Variants in SRGAP2C observed in about 807,000 individuals in gnomAD.
SRGAP2C encodes the protein SLIT-ROBO Rho GTPase activating protein 2C.
In SRGAP2C, 15 loss-of-function variants were observed where a neutral mutation model predicts 25.1. That is an observed-to-expected ratio of 0.60 (90% CI 0.40 to 0.92). SRGAP2C has a LOEUF of 0.92. SRGAP2C is among the 40% of genes least tolerant of loss of function. The pLI, the probability that SRGAP2C is intolerant of heterozygous loss-of-function variation, is 0.00. For missense variants in SRGAP2C, 144 were observed against 264.4 expected (o/e 0.54, Z 3.16); for synonymous variants, 44 against 96.6 (o/e 0.46, Z 3.19).
intron 2 of SRGAP2C, among the ~76,000 whole-genome samples, chr1:121,222,742 A>G (rs1242519964): frequency 2.6e-5 from 4 of 152,220 alleles, no homozygotes; most frequent in African/African-American, 7.2e-5. Context: ...AGGACCACCT[A>G]CCATCAGACG....
intron 5 of SRGAP2C, among the ~76,000 whole-genome samples, chr1:121,371,935 TC>T (rs1659502427): frequency 6.6e-6 from 1 of 151,536 alleles, no homozygotes; most frequent in Non-Finnish European, 1.5e-5. Flanking sequence ...TATCTACACT[TC>T]TTCAGCTGAG....
At chr1:121,282,230 TG>T (rs1657261667) in intron 2 of SRGAP2C, among the ~76,000 whole-genome samples, 1 of 61,580 alleles carries the variant, frequency 1.6e-5, no homozygotes, top group South Asian at 6.9e-4. Flanking sequence ...TGGATGTGCT[TG>T]GGGGTTTCTT....
intron 2 of SRGAP2C, among the ~76,000 whole-genome samples, chr1:121,194,198 T>C (rs1281545464): frequency 6.6e-6 from 1 of 151,236 alleles, no homozygotes; most frequent in Non-Finnish European, 1.5e-5. Context: ...ATCAAGATAG[T>C]GAATGTAATC....
intron 7 of SRGAP2C, among the ~76,000 whole-genome samples, chr1:121,377,061 T>G (rs1255844812): frequency 6.6e-6 from 1 of 150,762 alleles, no homozygotes; most frequent in African/African-American, 2.4e-5. Flanking sequence ...ACCAAGTGTT[T>G]TAAAATCAGT....
chr1:121,191,749 C>T (rs1161345534), intron 2 of SRGAP2C, among the ~76,000 whole-genome samples: 2 of 151,352 alleles, frequency 1.3e-5, no homozygotes, highest in Admixed American at 6.6e-5. Flanking sequence ...TTCCTTTACC[C>T]TCTCTATACC....
chr1:121,211,515 A>G (rs1474572529), intron 2 of SRGAP2C, among the ~76,000 whole-genome samples: 8 of 151,076 alleles, frequency 5.3e-5, no homozygotes, highest in South Asian at 2.1e-4. Flanking sequence ...TGTAATTTCT[A>G]TATATTTTAA....
At chr1:121,271,497 C>A (rs1656959111) in intron 2 of SRGAP2C, among the ~76,000 whole-genome samples, 1 of 151,916 alleles carries the variant, frequency 6.6e-6, no homozygotes, top group Non-Finnish European at 1.5e-5. Flanking sequence ...AACTTAGGCC[C>A]TTTCTGATTT....
intron 4 of SRGAP2C, among the ~76,000 whole-genome samples, chr1:121,343,227 CA>C: frequency 6.6e-6 from 1 of 151,882 alleles, no homozygotes; most frequent in South Asian, 2.1e-4. Context: ...TGATGAAACA[CA>C]AGATGAGGTT....
chr1:121,309,456 G>A (rs1246894936), intron 3 of SRGAP2C, among the ~76,000 whole-genome samples: 11,028 of 130,226 alleles, frequency 0.085, 737 homozygotes, highest in East Asian at 0.42. Context: ...AAGTTTTAGG[G>A]TACATGTGCA....
At position 121,339,252 on chromosome 1, in the gene SRGAP2C, C is replaced by CTT. The variant is rs1185472819; in HGVS notation, c.423+14631_423+14632dup. On this transcript the variant is annotated intron_variant, in intron 4 of 9. Coordinates refer to ENST00000367123, the MANE Select transcript of SRGAP2C (RefSeq NM_001329984.2). ...CCTTATGGTTCTTTGGCTATGTTGT[C>CTT]TTTTTTTTTTTTTTTTTTTTGGAGA... Among the ~76,000 whole-genome samples the CTT allele has an allele frequency of 1.3e-3, 119 of 89,574 alleles. 1 individual carries two copies. The highest frequency in any genetic ancestry group is 1.8e-3 in the Non-Finnish European group (88 of 47,728). 58.8% of individuals were successfully genotyped at this position (89,574 alleles called of 152,430 possible).
At chr1:121,339,397 G>A (rs1388464500) in intron 4 of SRGAP2C, among the ~76,000 whole-genome samples, 60 of 151,366 alleles carry the variant, frequency 4.0e-4, no homozygotes, top group Admixed American at 1.2e-3. Context: ...GATTACAGGC[G>A]TGGGCTACCA....
chr1:121,375,027 A>T, intron 7 of SRGAP2C, 73 bp downstream of exon 7: 1 of 710,728 alleles, frequency 1.4e-6, no homozygotes, highest in Non-Finnish European at 2.6e-6. Context: ...CATTCCCGAT[A>T]CTATTGTTCA....
At chr1:121,185,174 A>C (rs1444465028) in intron 1 of SRGAP2C, 50 bp downstream of exon 1, 1 of 451,958 alleles carries the variant, frequency 2.2e-6, no homozygotes, top group Non-Finnish European at 3.9e-6. Flanking sequence ...GCCGGGCTGG[A>C]GCCCTGACTG....
intron 3 of SRGAP2C, among the ~76,000 whole-genome samples, chr1:121,287,836 G>A (rs1303646612): frequency 2.6e-5 from 4 of 152,120 alleles, no homozygotes; most frequent in African/African-American, 9.7e-5. Context: ...GACCTTCACG[G>A]TGAGTGTTAC....
Position 121,221,759 on chromosome 1 carries a change from G to A in SRGAP2C, c.67+34246G>A, listed in dbSNP as rs587770148. Among the ~76,000 whole-genome samples, 256 of 136,428 alleles carry A rather than the reference G, an allele frequency of 1.9e-3. 1 individual carries two copies. The highest frequency in any genetic ancestry group is 7.3e-3 in the African/African-American group (244 of 33,636). The allele number at this position is 136,428 out of a possible 152,430, so 89.5% of individuals were successfully genotyped here. A position where few individuals can be genotyped will look rare whatever the true frequency, so the allele number is the denominator to read the frequency against. ...ATTGACTGGTCTTGGCAGTCTTTGG[G>A]TTTTATTCTGAACTGTGTAGAGTTG... On this transcript the variant is annotated intron_variant, in intron 2 of 9. Transcript: ENST00000367123.
intron 4 of SRGAP2C, among the ~76,000 whole-genome samples, chr1:121,351,268 CAT>C (rs1178786022): frequency 6.7e-6 from 1 of 149,648 alleles, no homozygotes; most frequent in African/African-American, 2.4e-5. Context: ...GAATTGAAAA[CAT>C]ATGCTCACAC....
At chr1:121,195,741 C>CATTCAGTTATT in intron 2 of SRGAP2C, among the ~76,000 whole-genome samples, 1 of 150,280 alleles carries the variant, frequency 6.7e-6, no homozygotes, top group East Asian at 2.0e-4. Context: ...AACACATAGA[C>CATTCAGTTATT]TACTAGCTAA....
intron 3 of SRGAP2C, among the ~76,000 whole-genome samples, chr1:121,321,833 A>G (rs1482683561): frequency 6.6e-6 from 1 of 152,196 alleles, no homozygotes; most frequent in Non-Finnish European, 1.5e-5. Flanking sequence ...CCCTGGGGAT[A>G]TGTGCTCTGC....
intron 3 of SRGAP2C, among the ~76,000 whole-genome samples, chr1:121,313,948 A>G (rs1658025569): frequency 5.6e-5 from 8 of 142,126 alleles, no homozygotes; most frequent in African/African-American, 2.6e-5. Context: ...CATTCTCTGT[A>G]TTTCCTGAAT....
Sources: allele counts gnomAD v4.1 joint callset (sites outside exome capture counted in the v4.1 genomes callset), GRCh38; gene constraint gnomAD v4.1.1; transcripts MANE v1.5; gene names NCBI Gene and HGNC (gene_info 2026-07-23, HGNC 2026-07-21).